The following RHD variants were observed in gnomAD, a reference collection of about 807,000 sequenced individuals.
RHD encodes Rh blood group D antigen.
A neutral mutation model predicts 45.5 loss-of-function variants in RHD; 16 were observed. That is an observed-to-expected ratio of 0.35 (90% confidence interval 0.24 to 0.53). The LOEUF (loss-of-function observed/expected upper bound fraction) is 0.53, where lower values mean the gene tolerates loss of function less well. Among genes scored for constraint, RHD ranks in the 20% least tolerant of loss-of-function variants. The probability of loss-of-function intolerance (pLI) is 0.92; values close to 1 mark genes in which losing one functional copy is unlikely to be tolerated. For synonymous variants in RHD, 131 were observed against 217.5 expected (o/e 0.60, Z 3.50); for missense variants, 306 against 532.0 (o/e 0.58, Z 4.18).
In RHD at chr1:25,307,738, G is replaced by A. The variant is rs769600983; in HGVS notation, c.1073+1009G>A. The A allele has an allele frequency of 3.0e-4, 391 of 1,307,558 alleles. 91 individuals are homozygous for A. Among genetic ancestry groups the A allele is most frequent in the African/African-American group, 2.4e-3 (166 of 68,226 alleles). The allele number at this position is 1,307,558 out of a possible 1,614,324, so 81.0% of individuals were successfully genotyped here. A position where few individuals can be genotyped will look rare whatever the true frequency, so the allele number is the denominator to read the frequency against. On this transcript the variant is annotated intron_variant, in intron 7 of 9. Transcript: ENST00000328664. ...CGTGTCTCAGAGAAATCATGGAGGC[G>A]CTGCGGTTCCTACCGGTTCTTGGAT...
intron 4 of RHD, 27 bp downstream of exon 4, chr1:25,301,120 T>A: frequency 1.5e-6 from 2 of 1,372,160 alleles, no homozygotes; most frequent in Non-Finnish European, 2.1e-6. Context: ...GTGAGTGGTC[T>A]CCTACTTGGG....
intron 7 of RHD, among the ~76,000 whole-genome samples, chr1:25,308,390 G>C (rs1433583060): frequency 8.6e-6 from 1 of 116,794 alleles, no homozygotes; most frequent in Non-Finnish European, 2.0e-5. Flanking sequence ...GGACCTATCA[G>C]TCCATGTTTG....
At chr1:25,275,439 G>A (rs1640879916) in intron 1 of RHD, among the ~76,000 whole-genome samples, 1 of 132,236 alleles carries the variant, frequency 7.6e-6, no homozygotes, top group South Asian at 2.3e-4. Flanking sequence ...AGCCATGCCA[G>A]GGCTGGTGTT....
intron 1 of RHD, among the ~76,000 whole-genome samples, chr1:25,278,200 G>T (rs572350021): frequency 2.3e-5 from 3 of 129,746 alleles, no homozygotes; most frequent in Admixed American, 2.3e-4. Flanking sequence ...TGAAAAGAGT[G>T]GGGAGTTAAG....
chr1:25,322,226 C>T lies in RHD; in HGVS notation c.1227+264C>T, dbSNP rs1248787129. ...GATGAGACAGCTTTCACTGGCCACA[C>T]TTCCCCTCCCCCTATCTGCAGTCCT... On this transcript the variant is annotated intron_variant, in intron 9 of 9. Coordinates refer to ENST00000328664, the MANE Select transcript of RHD (RefSeq NM_016124.6). Among the ~76,000 whole-genome samples, 4 of 132,262 alleles carry T rather than the reference C, an allele frequency of 3.0e-5. 1 individual carries two copies. The South Asian group carries it at 6.9e-4, about 23-fold the overall frequency. The allele number at this position is 132,262 out of a possible 152,430, so 86.8% of individuals were successfully genotyped here.
At chr1:25,302,977 CTAAAAAA>C (rs962138449) in intron 5 of RHD, among the ~76,000 whole-genome samples, 1 of 130,492 alleles carries the variant, frequency 7.7e-6, no homozygotes, top group African/African-American at 2.6e-5. Context: ...GACCCTGTCT[CTAAAAAA>C]TAAAACAAAA....
rs183176143 is a variant in RHD at position 25,320,721 on chromosome 1, T to C, written c.1154-1168T>C. ...CTTCAGGAAGCTGGAGGAATACATA[T>C]GGCCAAGCTATCTGGGCAGAGAGTA... On this transcript the variant is annotated intron_variant, in intron 8 of 9. Coordinates refer to ENST00000328664, the MANE Select transcript of RHD (RefSeq NM_016124.6). 2.1e-3 allele frequency among the ~76,000 whole-genome samples: 274 copies of C among 132,202 alleles called. 24 individuals carry two copies. The East Asian group carries it at 0.039, about 19-fold the overall frequency. The allele number at this position is 132,202 out of a possible 152,430, so 86.7% of individuals were successfully genotyped here.
chr1:25,303,007 C>G (rs185658016), intron 5 of RHD, among the ~76,000 whole-genome samples: 1 of 130,862 alleles, frequency 7.6e-6, no homozygotes, highest in East Asian at 2.0e-4. Context: ...CCATTCTTCC[C>G]GCTGCCCAGG....
At position 25,330,382 on chromosome 1, in the gene RHD, C is replaced by A. The variant is rs1402117900; in HGVS notation, c.*1458C>A. On this transcript the variant is annotated 3_prime_UTR_variant, in exon 10 of 10. Coordinates refer to ENST00000328664, the MANE Select transcript of RHD (RefSeq NM_016124.6). ...TGCCAATTTTCTTTGAAAATTCTGG[C>A]AGACCAAGGTTCTTTTTGTTTACAT... The A allele has an allele frequency of 1.5e-5, 2 of 132,666 alleles. No homozygotes were observed. Among genetic ancestry groups the A allele is most frequent in the East Asian group, 3.9e-4 (2 of 5,144 alleles). 8.2% of individuals were successfully genotyped at this position (132,666 alleles called of 1,614,324 possible). A position where few individuals can be genotyped will look rare whatever the true frequency, so the allele number is the denominator to read the frequency against.
At chr1:25,287,210 C>G (rs1642101521) in intron 2 of RHD, among the ~76,000 whole-genome samples, 1 of 135,494 alleles carries the variant, frequency 7.4e-6, no homozygotes, top group Admixed American at 7.1e-5. Context: ...AAAGGGCACC[C>G]TGGGGGATTT....
intron 7 of RHD, among the ~76,000 whole-genome samples, chr1:25,309,003 T>C (rs1643998010): frequency 7.6e-6 from 1 of 131,924 alleles, no homozygotes; most frequent in Non-Finnish European, 1.8e-5. Flanking sequence ...TGATGCTGCA[T>C]CCGTATGAGG....
intron 6 of RHD, among the ~76,000 whole-genome samples, chr1:25,305,223 G>A (rs1482709302): frequency 7.7e-6 from 1 of 130,528 alleles, no homozygotes; most frequent in Non-Finnish European, 1.8e-5. Context: ...GGCACAGTGT[G>A]TATGAAAGCT....
chr1:25,283,404 A>G (rs541434214), intron 1 of RHD, among the ~76,000 whole-genome samples: 1 of 130,824 alleles, frequency 7.6e-6, no homozygotes, highest in Non-Finnish European at 1.8e-5. Flanking sequence ...GGTGGCAGGC[A>G]CCTGTAATCC....
In RHD at chr1:25,290,662, T is replaced by C. The variant is rs202003705; in HGVS notation, c.357T>C (p.Ser119=). 207 of 1,378,080 alleles carry C rather than the reference T, an allele frequency of 1.5e-4. 16 individuals are homozygous for C. The East Asian group carries it at 4.3e-3, about 29-fold the overall frequency. The allele number at this position is 1,378,080 out of a possible 1,614,324, so 85.4% of individuals were successfully genotyped here. Residue 119 remains serine, a synonymous_variant, in exon 3 of 10, where the codon AGT becomes AGC. Transcript: ENST00000328664. The part of the protein sequence containing the change: ...TLFSIRLATM[S]ALSVLISVDA... The stretch of plus-strand genomic sequence containing the variant: ...CCAGTATTCGGCTGGCCACCATGAG[T>C]GCTTTGTCGGTGCTGATCTCAGTGG...
At position 25,306,642 on chromosome 1, in the gene RHD, G is replaced by A. The variant is rs1643863394; in HGVS notation, c.986G>A (p.Gly329Asp). Residue 329 changes from glycine (G) to aspartate (D), a missense_variant, in exon 7 of 10, where the codon GGC becomes GAC. Transcript: ENST00000328664. ...VLGIPHSSIM[G>D]YNFSLLGLLG... ...GGGATTCCCCACAGCTCCATCATGG[G>A]CTACAACTTCAGCTTGCTGGGTCTG... 4.4e-6 allele frequency: 6 copies of A among 1,378,508 alleles called. 1 individual carries two copies. The East Asian group carries it at 6.7e-5, about 15-fold the overall frequency. 85.4% of individuals were successfully genotyped at this position (1,378,508 alleles called of 1,614,324 possible).
chr1:25,292,276 G>A (rs1159022295), intron 3 of RHD, among the ~76,000 whole-genome samples: 1 of 132,304 alleles, frequency 7.6e-6, no homozygotes, highest in Non-Finnish European at 1.8e-5. Flanking sequence ...GGGCAGAGGA[G>A]AGCCATGATC....
Position 25,315,551 on chromosome 1 carries a change from C to T in RHD, c.1074-1449C>T, listed in dbSNP as rs548839288. ...TCGCTGTGTTGCCCAGGCTGGAGTG[C>T]AGTGGCGTGATCTCAGCTCACTGCA... On this transcript the variant is annotated intron_variant, in intron 7 of 9. Coordinates refer to ENST00000328664, the MANE Select transcript of RHD (RefSeq NM_016124.6). Among the ~76,000 whole-genome samples the T allele has an allele frequency of 2.5e-5, 3 of 119,578 alleles. 1 individual carries two copies. In the South Asian group the frequency reaches 7.7e-4, roughly 31 times the overall value. 78.4% of individuals were successfully genotyped at this position (119,578 alleles called of 152,430 possible).
rs1644945243 is a variant in RHD at position 25,329,474 on chromosome 1, C to T, written c.*550C>T. On this transcript the variant is annotated 3_prime_UTR_variant, in exon 10 of 10. Coordinates refer to ENST00000328664, the MANE Select transcript of RHD (RefSeq NM_016124.6). Reference sequence around the variant, plus strand: ...GCCAGGCTGATCTCAAACTCCTGACCTCAAGTGATCTGCCCGCCTCGGCCT... The same window carrying T: ...GCCAGGCTGATCTCAAACTCCTGACTTCAAGTGATCTGCCCGCCTCGGCCT... 1 of 215,232 alleles carries T rather than the reference C, an allele frequency of 4.6e-6. No individual in the cohort carries two copies. Among genetic ancestry groups the T allele is most frequent in the African/African-American group, 2.5e-5 (1 of 39,846 alleles). The allele number at this position is 215,232 out of a possible 1,614,324, so 13.3% of individuals were successfully genotyped here. A position where few individuals can be genotyped will look rare whatever the true frequency, so the allele number is the denominator to read the frequency against.
rs1295391925 is a variant in RHD at position 25,311,198 on chromosome 1, T to A, written c.1073+4469T>A. Among the ~76,000 whole-genome samples the A allele has an allele frequency of 1.5e-5, 2 of 131,482 alleles. 1 individual carries two copies. The highest frequency in any genetic ancestry group is 3.6e-5 in the Non-Finnish European group (2 of 55,518). 86.3% of individuals were successfully genotyped at this position (131,482 alleles called of 152,430 possible). A position where few individuals can be genotyped will look rare whatever the true frequency, so the allele number is the denominator to read the frequency against. On this transcript the variant is annotated intron_variant, in intron 7 of 9. Transcript: ENST00000328664. ...CACGTGTTGGAAACTGGAGCAAAGG[T>A]CATCCTTTTTATAAAGAAGCAAAGA...
Sources: gnomAD v4.1 joint callset for allele counts (sites outside exome capture counted in the v4.1 genomes callset) on GRCh38, gnomAD v4.1.1 for gene constraint, MANE v1.5 for transcripts, NCBI Gene and HGNC (gene_info 2026-07-23, HGNC 2026-07-21) for gene names.